HERC2: variants seen among roughly 807,000 people sequenced by gnomAD.
The protein encoded by HERC2 is HECT and RLD domain containing E3 ubiquitin protein ligase 2, also known as E3 ubiquitin-protein ligase HERC2.
HERC2 carries 102 observed loss-of-function variants against 537.7 expected under a neutral mutation model. That is an observed-to-expected ratio of 0.19 (90% CI 0.16 to 0.22). The LOEUF (loss-of-function observed/expected upper bound fraction) is 0.22, where lower values mean the gene tolerates loss of function less well. HERC2 is among the 10% of genes least tolerant of loss of function. The pLI is 1.00. For missense variants in HERC2, 4,236 were observed against 6,198.2 expected, an observed-to-expected ratio of 0.68 and a Z score of 10.63; for synonymous variants, 2,224 against 2,466.2, an observed-to-expected ratio of 0.90 and a Z score of 2.91.
Position 28,260,923 on chromosome 15 carries a change from G to A in HERC2, c.2170C>T (p.Leu724=). 6.2e-7 allele frequency: 1 copy of A among 1,614,200 alleles called. No homozygotes were observed. The highest frequency in any genetic ancestry group is 1.7e-5 in the Admixed American group (1 of 60,034). ...CTGTGGACCTCGCTGTCCTCAGTCA[G>A]AGCCAGGCAGTGGGTGGAGCCTGCA... is the stretch of plus-strand genomic sequence containing the variant. ...VAAGSTHCLA[L]TEDSEVHSWG... is the part of the protein sequence containing the mutation. Residue 724 remains leucine, a synonymous_variant, in exon 16 of 93, where the codon CTG becomes TTG. Transcript: ENST00000261609.
Position 28,111,056 on chromosome 15 carries a change from T to C in HERC2, c.*707A>G, listed in dbSNP as rs1248648731. ...AGCCTACACTTTTATGTCAGATGTT[T>C]TATTTATAGATAATTAAAATTTAGG... On this transcript the variant is annotated 3_prime_UTR_variant, in exon 93 of 93. Transcript: ENST00000261609. The C allele has an allele frequency of 6.6e-6, 1 of 152,238 alleles. No individual in the cohort carries two copies. The highest frequency in any genetic ancestry group is 1.5e-5 in the Non-Finnish European group (1 of 68,042). The allele number at this position is 152,238 out of a possible 1,614,324, so 9.4% of individuals were successfully genotyped here.
At position 28,179,049 on chromosome 15, in the gene HERC2, A is replaced by G; in HGVS notation, c.9020-19T>C. 2 of 1,611,090 alleles carry G rather than the reference A, an allele frequency of 1.2e-6. No individual in the cohort carries two copies. The highest frequency in any genetic ancestry group is 1.7e-6 in the Non-Finnish European group (2 of 1,178,666). ...ACAGTCACTGCAAGGAACGACAGCCAGGAGAGGACTCTCTTTTCACAACAT... is the reference window on the plus strand; with the variant it reads ...ACAGTCACTGCAAGGAACGACAGCCGGGAGAGGACTCTCTTTTCACAACAT... On this transcript the variant is annotated intron_variant, in intron 58 of 92. Coordinates refer to ENST00000261609, the MANE Select transcript of HERC2 (RefSeq NM_004667.6).
At chr15:28,154,225 T>C (rs1034027385) in intron 69 of HERC2, among the ~76,000 whole-genome samples, 5 of 152,190 alleles carry the variant, frequency 3.3e-5, no homozygotes, top group African/African-American at 4.8e-5. Flanking sequence ...TTTTTAGAAA[T>C]AGATTATTCT....
intron 69 of HERC2, among the ~76,000 whole-genome samples, chr15:28,153,858 A>G (rs777035396): frequency 1.3e-5 from 2 of 152,056 alleles, no homozygotes; most frequent in Non-Finnish European, 2.9e-5. Flanking sequence ...ACAATCCTAG[A>G]AGGCAACGGA....
intron 44 of HERC2, among the ~76,000 whole-genome samples, chr15:28,208,867 AAG>A (rs939230897): frequency 6.6e-6 from 1 of 152,164 alleles, no homozygotes; most frequent in Non-Finnish European, 1.5e-5. Flanking sequence ...CCAGAGGACA[AAG>A]AGAGCCATCT....
chr15:28,290,407 T>C (rs1423250027), intron 4 of HERC2, among the ~76,000 whole-genome samples: 1 of 152,148 alleles, frequency 6.6e-6, no homozygotes, highest in Non-Finnish European at 1.5e-5. Context: ...TTTTTGTATG[T>C]TTCATAGAGA....
intron 70 of HERC2, among the ~76,000 whole-genome samples, chr15:28,148,650 C>CACAA (rs1241138990): frequency 6.6e-6 from 1 of 150,966 alleles, no homozygotes; most frequent in African/African-American, 2.5e-5. Context: ...AGAACGGCCA[C>CACAA]ACGAACGCAC....
intron 88 of HERC2, 62 bp from the exon 89 acceptor site, chr15:28,115,603 A>G: frequency 4.2e-6 from 5 of 1,191,944 alleles, no homozygotes; most frequent in Non-Finnish European, 2.5e-6. Flanking sequence ...CTTCCCGCTC[A>G]CTCACACACG....
At chr15:28,210,172 C>A (rs562791701) in intron 44 of HERC2, among the ~76,000 whole-genome samples, 1 of 151,842 alleles carries the variant, frequency 6.6e-6, no homozygotes, top group African/African-American at 2.4e-5. Context: ...CTTGCTCTGT[C>A]GTCCAGGCTG....
At chr15:28,279,324 T>C (rs2075961221) in intron 5 of HERC2, among the ~76,000 whole-genome samples, 1 of 151,842 alleles carries the variant, frequency 6.6e-6, no homozygotes, top group Non-Finnish European at 1.5e-5. Flanking sequence ...AATAAGAAAA[T>C]CACATTAGGA....
intron 35 of HERC2, among the ~76,000 whole-genome samples, chr15:28,224,821 G>GA (rs1900941320): frequency 6.6e-6 from 1 of 151,862 alleles, no homozygotes; most frequent in Non-Finnish European, 1.5e-5. Flanking sequence ...CAACCAAAAT[G>GA]AAATGAGAAA....
At chr15:28,288,948 T>C (rs2076236782) in intron 4 of HERC2, among the ~76,000 whole-genome samples, 2 of 151,278 alleles carry the variant, frequency 1.3e-5, no homozygotes, top group African/African-American at 2.4e-5. Flanking sequence ...TATTGTGGGG[T>C]TTATACCATG....
At chr15:28,140,964 G>A (rs1362353877) in intron 78 of HERC2, among the ~76,000 whole-genome samples, 1 of 151,876 alleles carries the variant, frequency 6.6e-6, no homozygotes, top group Non-Finnish European at 1.5e-5. Flanking sequence ...TTGGCCGGGC[G>A]TGGTGGCTCA....
At chr15:28,218,126 A>C (rs1454739979) in intron 38 of HERC2, among the ~76,000 whole-genome samples, 1 of 151,040 alleles carries the variant, frequency 6.6e-6, no homozygotes, top group Non-Finnish European at 1.5e-5. Flanking sequence ...TCCTTATGAA[A>C]AGGGGAGATT....
chr15:28,214,768 G>T lies in HERC2; in HGVS notation c.6245C>A (p.Pro2082Gln). 2 of 1,611,662 alleles carry T rather than the reference G, an allele frequency of 1.2e-6. No individual in the cohort carries two copies. Among genetic ancestry groups the T allele is most frequent in the Non-Finnish European group, 1.7e-6 (2 of 1,179,540 alleles). The part of the protein sequence containing the change: ...LAVHLLQAVL[P>Q]SWDKTERARD... ...CGCCCTTTCGGTCTTGTCCCATGAT[G>T]GAAGGACTGCTTGCAACAAATGCAC... The change falls in exon 40 of 93, where the codon CCA becomes CAA. Residue 2082 changes from proline (P) to glutamine (Q), a missense_variant. Physicochemically the swap from Pro to Gln is moderately conservative, Grantham distance 76. This residue lies in a region of HERC2 where 365 missense variants were observed against 468.8 expected (regional missense o/e 0.78). Transcript: ENST00000261609.
rs957470355 is a variant in HERC2 at position 28,235,826 on chromosome 15, C to T, written c.4003+1137G>A. Reference sequence around the variant, plus strand: ...TCCTGAACACCTCGCATGGTAACTGCACCAGGCAACTGTTCAACAGAAGCT... The same window carrying T: ...TCCTGAACACCTCGCATGGTAACTGTACCAGGCAACTGTTCAACAGAAGCT... On this transcript the variant is annotated intron_variant, in intron 26 of 92. Transcript: ENST00000261609. Among the ~76,000 whole-genome samples the T allele has an allele frequency of 2.6e-5, 4 of 152,182 alleles. No homozygotes were observed. The South Asian group carries it at 8.3e-4, about 32-fold the overall frequency.
chr15:28,201,049 G>A (rs1357203935), intron 48 of HERC2, among the ~76,000 whole-genome samples: 5 of 148,040 alleles, frequency 3.4e-5, no homozygotes, highest in Non-Finnish European at 6.0e-5. Flanking sequence ...CATGTCCACC[G>A]TGGACAGGCC....
intron 20 of HERC2, among the ~76,000 whole-genome samples, chr15:28,252,126 AT>A (rs1445197158): frequency 3.3e-5 from 5 of 152,226 alleles, no homozygotes; most frequent in Admixed American, 3.3e-4. Flanking sequence ...ATTTTAATTA[AT>A]AAAAATTAAA....
intron 39 of HERC2, 141 bp downstream of exon 39, chr15:28,215,480 T>C: frequency 3.3e-6 from 2 of 604,992 alleles, no homozygotes; most frequent in Non-Finnish European, 5.9e-6. Context: ...CCTCTGCCCC[T>C]TGCCTCCAGA....
Sources: gnomAD v4.1 joint callset for allele counts (sites outside exome capture counted in the v4.1 genomes callset) on GRCh38, gnomAD v4.1.1 for gene constraint, gnomAD v4.1.1 regional missense constraint, MANE v1.5 for transcripts, NCBI Gene and HGNC (gene_info 2026-07-23, HGNC 2026-07-21) for gene names.